The following NKAIN2 variants were observed in gnomAD, a reference collection of about 807,000 sequenced individuals.
The protein encoded by NKAIN2 is sodium/potassium transporting ATPase interacting 2, also known as sodium/potassium-transporting ATPase subunit beta-1-interacting protein 2.
In NKAIN2, 14 loss-of-function variants were observed where a neutral mutation model predicts 32.6. That is an observed-to-expected ratio of 0.43 (90% CI 0.28 to 0.67). NKAIN2 has a LOEUF of 0.67. NKAIN2 is among the 30% of genes least tolerant of loss of function. The probability of loss-of-function intolerance (pLI) is 0.17; values close to 1 mark genes in which losing one functional copy is unlikely to be tolerated. For synonymous variants in NKAIN2, 80 were observed against 87.2 expected (o/e 0.92, Z 0.46); for missense variants, 198 against 258.3 (o/e 0.77, Z 1.60).
At chr6:123,919,710 C>A (rs1775660917) in intron 1 of NKAIN2, among the ~76,000 whole-genome samples, 1 of 151,950 alleles carries the variant, frequency 6.6e-6, no homozygotes, top group Non-Finnish European at 1.5e-5. Flanking sequence ...TTATAATGCC[C>A]CAGCATTTGA....
intron 1 of NKAIN2, among the ~76,000 whole-genome samples, chr6:124,137,208 C>A (rs1013873871): frequency 2.7e-4 from 41 of 152,148 alleles, no homozygotes; most frequent in African/African-American, 9.6e-4. Flanking sequence ...GTGCTATACA[C>A]CAACAACAAC....
intron 3 of NKAIN2, among the ~76,000 whole-genome samples, chr6:124,450,114 A>T (rs1776040598): frequency 6.6e-6 from 1 of 152,064 alleles, no homozygotes; most frequent in Non-Finnish European, 1.5e-5. Context: ...CAAAACAAAG[A>T]TATTTTCCAA....
intron 1 of NKAIN2, among the ~76,000 whole-genome samples, chr6:124,123,441 C>G (rs991310018): frequency 6.6e-5 from 10 of 152,084 alleles, no homozygotes; most frequent in African/African-American, 2.4e-4. Context: ...TTCCCAGAGA[C>G]AGTATTCTTT....
intron 4 of NKAIN2, among the ~76,000 whole-genome samples, chr6:124,749,685 T>A (rs1777621819): frequency 1.3e-5 from 2 of 151,924 alleles, no homozygotes; most frequent in Admixed American, 6.6e-5. Flanking sequence ...TCAATCCCAG[T>A]GCACCCTCCA....
intron 4 of NKAIN2, among the ~76,000 whole-genome samples, chr6:124,751,589 G>A (rs1054604992): frequency 4.3e-4 from 66 of 151,802 alleles, no homozygotes; most frequent in African/African-American, 1.5e-3. Context: ...AGCTCAGCAG[G>A]TCTATTCATT....
chr6:124,275,036 G>T (rs1274834199), intron 1 of NKAIN2, among the ~76,000 whole-genome samples: 1 of 151,982 alleles, frequency 6.6e-6, no homozygotes, highest in African/African-American at 2.4e-5. Context: ...TTACTTTTTA[G>T]AAGAATTTTC....
intron 1 of NKAIN2, among the ~76,000 whole-genome samples, chr6:123,873,406 A>G (rs975335594): frequency 2.6e-5 from 4 of 152,180 alleles, no homozygotes; most frequent in Admixed American, 1.3e-4. Context: ...TTCAGGGCCA[A>G]ATAATGAAAA....
intron 4 of NKAIN2, among the ~76,000 whole-genome samples, chr6:124,731,718 A>G (rs1028906720): frequency 1.3e-5 from 2 of 152,130 alleles, no homozygotes; most frequent in African/African-American, 4.8e-5. Flanking sequence ...ATTTAAAAAA[A>G]AAAAGAATGT....
chr6:124,096,985 G>A (rs1784672439), intron 1 of NKAIN2, among the ~76,000 whole-genome samples: 1 of 151,968 alleles, frequency 6.6e-6, no homozygotes, highest in Admixed American at 6.6e-5. Context: ...ATTTAAGAAC[G>A]TAGATGAAGT....
At position 123,976,841 on chromosome 6, in the gene NKAIN2, TTCA is replaced by T. The variant is rs1440580456; in HGVS notation, c.54+172592_54+172594del. On this transcript the variant is annotated intron_variant, in intron 1 of 6. Transcript: ENST00000368417. Reference sequence around the variant, plus strand: ...TACAAAATTGTGAACTTTTTACTCTTTCATCATTTCAGTGTCATTACCAGTATA... The same window carrying T: ...TACAAAATTGTGAACTTTTTACTCTTTCATTTCAGTGTCATTACCAGTATA... 1.2e-4 allele frequency among the ~76,000 whole-genome samples: 19 copies of T among 152,184 alleles called. 1 individual carries two copies. Among genetic ancestry groups the T allele is most frequent in the Admixed American group, 1.2e-3 (18 of 15,272 alleles).
intron 3 of NKAIN2, among the ~76,000 whole-genome samples, chr6:124,558,764 A>G (rs1305568668): frequency 1.3e-5 from 2 of 152,194 alleles, no homozygotes; most frequent in Non-Finnish European, 2.9e-5. Context: ...CCTGGCTAAC[A>G]TGGTGAAACC....
intron 3 of NKAIN2, among the ~76,000 whole-genome samples, chr6:124,568,025 G>A (rs1425169613): frequency 6.6e-6 from 1 of 152,086 alleles, no homozygotes; most frequent in Non-Finnish European, 1.5e-5. Context: ...AGCTCTACTA[G>A]TGACAATATA....
intron 3 of NKAIN2, among the ~76,000 whole-genome samples, chr6:124,527,523 A>C (rs925510602): frequency 6.6e-6 from 1 of 152,212 alleles, no homozygotes; most frequent in African/African-American, 2.4e-5. Context: ...TGTGGGGGTC[A>C]AAGTGATGAA....
At chr6:123,851,086 C>T (rs1323735710) in intron 1 of NKAIN2, among the ~76,000 whole-genome samples, 1 of 151,828 alleles carries the variant, frequency 6.6e-6, no homozygotes, top group Non-Finnish European at 1.5e-5. Context: ...TTTTTCCAGT[C>T]ATCATCCATT....
chr6:124,710,508 G>C lies in NKAIN2; in HGVS notation c.474+52122G>C, dbSNP rs1336804844. On this transcript the variant is annotated intron_variant, in intron 4 of 6. Transcript: ENST00000368417. ...CTCAGGACTTGCTTTATGAATCTGG[G>C]TGCTCCTGTATTGGGTGCGTATATA... Among the ~76,000 whole-genome samples, 12 of 152,108 alleles carry C rather than the reference G, an allele frequency of 7.9e-5. 1 individual carries two copies. The highest frequency in any genetic ancestry group is 1.8e-4 in the Non-Finnish European group (12 of 67,986).
At chr6:124,351,559 T>C (rs1798735064) in intron 2 of NKAIN2, among the ~76,000 whole-genome samples, 1 of 152,036 alleles carries the variant, frequency 6.6e-6, no homozygotes, top group African/African-American at 2.4e-5. Context: ...AAGTATATTT[T>C]GTAATATCCT....
chr6:124,227,308 C>A (rs1362168443), intron 1 of NKAIN2, among the ~76,000 whole-genome samples: 1 of 151,958 alleles, frequency 6.6e-6, no homozygotes, highest in Non-Finnish European at 1.5e-5. Flanking sequence ...GTAGCTGAAG[C>A]TTTTTCTATG....
chr6:123,855,523 T>C (rs999656900), intron 1 of NKAIN2, among the ~76,000 whole-genome samples: 1 of 152,208 alleles, frequency 6.6e-6, no homozygotes, highest in Non-Finnish European at 1.5e-5. Context: ...ACTGATTCTT[T>C]GTGGTTGGGT....
intron 1 of NKAIN2, among the ~76,000 whole-genome samples, chr6:124,245,364 A>T (rs181952123): frequency 9.9e-4 from 151 of 152,230 alleles, no homozygotes; most frequent in African/African-American, 3.0e-3. Flanking sequence ...TTGGCAATTT[A>T]TGCCAATTCC....
Sources: allele counts gnomAD v4.1 joint callset (sites outside exome capture counted in the v4.1 genomes callset), GRCh38; gene constraint gnomAD v4.1.1; transcripts MANE v1.5; gene names NCBI Gene and HGNC (gene_info 2026-07-23, HGNC 2026-07-21).